Variants in CAMK4 observed in about 807,000 individuals in gnomAD.
CAMK4 encodes calcium/calmodulin dependent protein kinase IV.
In CAMK4, 22 loss-of-function variants were observed where a neutral mutation model predicts 44.9. That is an observed-to-expected ratio of 0.49 (90% confidence interval 0.35 to 0.70). The LOEUF (loss-of-function observed/expected upper bound fraction) is 0.70, where lower values mean the gene tolerates loss of function less well. Among genes scored for constraint, CAMK4 ranks in the 30% least tolerant of loss-of-function variants. The pLI, the probability that CAMK4 is intolerant of heterozygous loss-of-function variation, is 0.01. For missense variants in CAMK4, 498 were observed against 586.8 expected (o/e 0.85, Z 1.56); for synonymous variants, 218 against 215.4 (o/e 1.01, Z -0.11).
chr5:111,276,892 T>C (rs958908202), intron 1 of CAMK4, among the ~76,000 whole-genome samples: 1 of 152,222 alleles, frequency 6.6e-6, no homozygotes, highest in African/African-American at 2.4e-5. Context: ...TATCATTTAC[T>C]ATGATCCTTT....
chr5:111,466,898 G>A (rs189615714), intron 7 of CAMK4, among the ~76,000 whole-genome samples: 2 of 152,176 alleles, frequency 1.3e-5, no homozygotes, highest in East Asian at 3.9e-4. Flanking sequence ...GCAAGACTAA[G>A]CAAAAAGAAC....
chr5:111,369,404 T>C (rs1419541923), intron 2 of CAMK4, among the ~76,000 whole-genome samples: 1 of 152,148 alleles, frequency 6.6e-6, no homozygotes, highest in Non-Finnish European at 1.5e-5. Context: ...CTACGCATAT[T>C]TGCTGTATGA....
chr5:111,354,353 A>G (rs541225392), intron 2 of CAMK4, among the ~76,000 whole-genome samples: 7 of 152,182 alleles, frequency 4.6e-5, no homozygotes, highest in African/African-American at 1.7e-4. Context: ...ATAATTTCCA[A>G]AGATCAAATG....
intron 9 of CAMK4, among the ~76,000 whole-genome samples, chr5:111,478,932 T>G (rs1348627919): frequency 1.3e-5 from 2 of 152,180 alleles, no homozygotes; most frequent in Non-Finnish European, 2.9e-5. Context: ...GGCTGGAGTG[T>G]AATGGCATGA....
rs556445821 is a variant in CAMK4, at chr5:111,229,743, T to C, written c.161+5099T>C. 5.9e-5 allele frequency among the ~76,000 whole-genome samples: 9 copies of C among 152,302 alleles called. 1 individual carries two copies. In the South Asian group the frequency reaches 1.9e-3, roughly 32 times the overall value. The stretch of plus-strand genomic sequence containing the variant: ...TGGGGGATGGTAGGTTTTTTTATCT[T>C]ACTAGGAATTAAAAATATACTTGTG... On this transcript the variant is annotated intron_variant, in intron 1 of 10. Transcript: ENST00000282356.
intron 1 of CAMK4, among the ~76,000 whole-genome samples, chr5:111,292,785 G>A (rs1474947113): frequency 6.6e-6 from 1 of 151,982 alleles, no homozygotes; most frequent in Admixed American, 6.6e-5. Context: ...GAAAATATTA[G>A]CTGGGTGTGG....
intron 7 of CAMK4, among the ~76,000 whole-genome samples, chr5:111,467,825 C>T (rs1046751994): frequency 3.9e-5 from 6 of 151,924 alleles, no homozygotes; most frequent in Non-Finnish European, 5.9e-5. Flanking sequence ...GTAGAACTAC[C>T]GTTTGATCCA....
intron 7 of CAMK4, among the ~76,000 whole-genome samples, chr5:111,456,807 T>C (rs984539619): frequency 1.3e-5 from 2 of 152,190 alleles, no homozygotes; most frequent in African/African-American, 2.4e-5. Context: ...CTGAAAAATG[T>C]ATCCTTCTGT....
intron 1 of CAMK4, among the ~76,000 whole-genome samples, chr5:111,244,344 A>G (rs1365184998): frequency 1.3e-5 from 2 of 152,212 alleles, no homozygotes. Flanking sequence ...AATATTTTAT[A>G]CTTGTCTTCA....
chr5:111,289,437 C>T (rs1193507281), intron 1 of CAMK4, among the ~76,000 whole-genome samples: 5 of 152,156 alleles, frequency 3.3e-5, no homozygotes, highest in Admixed American at 3.3e-4. Context: ...ATAAGATATC[C>T]TCCTCACCAC....
chr5:111,276,909 A>C (rs548741169), intron 1 of CAMK4, among the ~76,000 whole-genome samples: 2 of 152,290 alleles, frequency 1.3e-5, no homozygotes, highest in East Asian at 3.9e-4. Flanking sequence ...CTTTTTGATC[A>C]CAAAAGTTTG....
intron 5 of CAMK4, among the ~76,000 whole-genome samples, chr5:111,436,978 G>T (rs534730900): frequency 6.6e-6 from 1 of 152,320 alleles, no homozygotes; most frequent in Admixed American, 6.5e-5. Context: ...ATTAGGTAAT[G>T]GTTTAAAATG....
intron 5 of CAMK4, among the ~76,000 whole-genome samples, chr5:111,395,227 AG>A (rs369542550): frequency 0.7 from 74,598 of 106,548 alleles, 26,640 homozygotes; most frequent in South Asian, 0.81. Flanking sequence ...AAAAAAAAAA[AG>A]AAAAAAAAAA....
chr5:111,228,018 G>T (rs919049751), intron 1 of CAMK4, among the ~76,000 whole-genome samples: 1 of 152,168 alleles, frequency 6.6e-6, no homozygotes, highest in Non-Finnish European at 1.5e-5. Flanking sequence ...CCGCCCAGTG[G>T]TTTGGCACAT....
chr5:111,354,591 A>G lies in CAMK4; in HGVS notation c.240+10489A>G, dbSNP rs908845601. Among the ~76,000 whole-genome samples the G allele has an allele frequency of 2.2e-5, 3 of 138,760 alleles. 1 individual carries two copies. In the South Asian group the frequency reaches 7.1e-4, roughly 33 times the overall value. 91.0% of individuals were successfully genotyped at this position (138,760 alleles called of 152,430 possible). On this transcript the variant is annotated intron_variant, in intron 2 of 10. Coordinates refer to ENST00000282356, the MANE Select transcript of CAMK4 (RefSeq NM_001744.6). ...CAGTTTTACCACTATAAAGCTGAAA[A>G]ATAGCTACTTGGGAGGCTGAGGCAG...
chr5:111,373,438 T>C (rs1466576608), intron 2 of CAMK4, among the ~76,000 whole-genome samples: 2 of 146,080 alleles, frequency 1.4e-5, no homozygotes, highest in Non-Finnish European at 3.0e-5. Context: ...TATATTTATA[T>C]GTTGCAACCA....
intron 5 of CAMK4, among the ~76,000 whole-genome samples, chr5:111,399,186 C>G (rs1752131558): frequency 6.6e-6 from 1 of 152,180 alleles, no homozygotes; most frequent in Non-Finnish European, 1.5e-5. Flanking sequence ...ACTTGAGCTA[C>G]ACTGGCCTTG....
chr5:111,477,191 G>T (rs571632409), intron 8 of CAMK4, among the ~76,000 whole-genome samples: 126 of 152,308 alleles, frequency 8.3e-4, no homozygotes, highest in Admixed American at 5.9e-3. Context: ...CTGCTCAGTA[G>T]GGAAAGGGAG....
At chr5:111,431,731 A>G (rs556938546) in intron 5 of CAMK4, among the ~76,000 whole-genome samples, 134 of 152,342 alleles carry the variant, frequency 8.8e-4, no homozygotes, top group African/African-American at 3.2e-3. Context: ...AAAAGAAGAC[A>G]TACAAATGGC....
Sources: allele counts gnomAD v4.1 joint callset (sites outside exome capture counted in the v4.1 genomes callset), GRCh38; gene constraint gnomAD v4.1.1; transcripts MANE v1.5; gene names NCBI Gene and HGNC (gene_info 2026-07-23, HGNC 2026-07-21).